Variants in SLX9 observed in about 807,000 individuals in gnomAD.
SLX9 encodes the protein ribosome biogenesis protein SLX9 homolog.
A neutral mutation model predicts 20.8 loss-of-function variants in SLX9; 19 were observed. The ratio of observed to expected loss-of-function variants is 0.91; its 90% CI spans 0.64 to 1.34. The LOEUF is 1.34. SLX9 is among the 40% of genes most tolerant of loss of function. The probability of loss-of-function intolerance (pLI) is 0.00; values close to 1 mark genes in which losing one functional copy is unlikely to be tolerated. For synonymous variants in SLX9, 113 were observed against 137.1 expected, an observed-to-expected ratio of 0.82 and a Z score of 1.23; for missense variants, 299 against 322.2, an observed-to-expected ratio of 0.93 and a Z score of 0.55.
In SLX9 at chr21:44,972,698, T is replaced by A. The variant is rs530500800; in HGVS notation, c.501-499T>A. The stretch of plus-strand genomic sequence containing the variant: ...TCTAAAGAGAGGACCTGGGGACATG[T>A]AGGCTTGGGTGGGTGACTCAGCCTT... On this transcript the variant is annotated intron_variant, in intron 4 of 5. Coordinates refer to ENST00000291634, the MANE Select transcript of SLX9 (RefSeq NM_058190.4). 7.2e-5 allele frequency among the ~76,000 whole-genome samples: 11 copies of A among 152,334 alleles called. No individual in the cohort carries two copies. In the South Asian group the frequency reaches 2.1e-3, roughly 29 times the overall value.
At chr21:44,967,750 C>T (rs929170838) in intron 4 of SLX9, among the ~76,000 whole-genome samples, 2 of 152,146 alleles carry the variant, frequency 1.3e-5, no homozygotes, top group Non-Finnish European at 2.9e-5. Context: ...CGTGTGGGAC[C>T]CACTCATGCA....
chr21:44,943,519 T>C (rs2294169), intron 1 of SLX9, among the ~76,000 whole-genome samples, 165 bp from the exon 2 acceptor site: 68,005 of 151,992 alleles, frequency 0.45, 17,061 homozygotes, highest in African/African-American at 0.68. Context: ...ACCGGAGGCT[T>C]CTGCTCTGGG....
At chr21:44,944,841 G>A (rs1435203113) in intron 2 of SLX9, among the ~76,000 whole-genome samples, 1 of 152,250 alleles carries the variant, frequency 6.6e-6, no homozygotes, top group East Asian at 1.9e-4. Context: ...GCCTCTGGCT[G>A]GACACTTGAT....
chr21:44,958,224 G>T, intron 2 of SLX9: 1 of 152,578 alleles, frequency 6.6e-6, no homozygotes. Context: ...ATAGCCACTG[G>T]GGCTGTAGTG....
chr21:44,965,750 C>T (rs777672122), intron 3 of SLX9, among the ~76,000 whole-genome samples: 4 of 152,238 alleles, frequency 2.6e-5, no homozygotes, highest in Non-Finnish European at 4.4e-5. Context: ...TGCTGAGGTG[C>T]GGGCCTTTGT....
rs373075187 is a variant in SLX9, at chr21:44,972,215, G to A, written c.501-982G>A. 4.6e-5 allele frequency among the ~76,000 whole-genome samples: 7 copies of A among 152,288 alleles called. No individual in the cohort carries two copies. The South Asian group carries it at 6.2e-4, about 14-fold the overall frequency. On this transcript the variant is annotated intron_variant, in intron 4 of 5. Transcript: ENST00000291634. The stretch of plus-strand genomic sequence containing the variant: ...GTGTGGACGGCAGATCTGAGAAGGC[G>A]CCTGGTGTGGCCTTGCGGGTTCTCT...
At chr21:44,969,426 G>T (rs1048510026) in intron 4 of SLX9, among the ~76,000 whole-genome samples, 2 of 152,222 alleles carry the variant, frequency 1.3e-5, no homozygotes, top group Non-Finnish European at 2.9e-5. Flanking sequence ...CAGCCCCCAG[G>T]CCGAGGAGGA....
At chr21:44,949,574 C>T (rs1351877165) in intron 2 of SLX9, among the ~76,000 whole-genome samples, 1 of 152,202 alleles carries the variant, frequency 6.6e-6, no homozygotes, top group Non-Finnish European at 1.5e-5. Context: ...CAGAGGCCTA[C>T]TCTTAGACGC....
In SLX9 at chr21:44,940,150, G is replaced by A. The variant is rs2084511908; in HGVS notation, c.93G>A (p.Pro31=). Residue 31 remains proline, a synonymous_variant, in exon 1 of 6, where the codon CCG becomes CCA. Coordinates refer to ENST00000291634, the MANE Select transcript of SLX9 (RefSeq NM_058190.4). ...CCCCCGGCCCCGCGCCCCCTGCCCC[G>A]GAGGCGACCCCTCCGCCGGCCTCGG... is the stretch of plus-strand genomic sequence containing the variant. ...EAAPGPAPPA[P]EATPPPASAA... The A allele has an allele frequency of 2.3e-6, 3 of 1,305,596 alleles. No homozygotes were observed. Among genetic ancestry groups the A allele is most frequent in the Admixed American group, 4.0e-5 (1 of 24,874 alleles). The allele number at this position is 1,305,596 out of a possible 1,614,324, so 80.9% of individuals were successfully genotyped here.
At chr21:44,940,326 C>T in intron 1 of SLX9, 140 bp downstream of exon 1, 1 of 1,149,078 alleles carries the variant, frequency 8.7e-7, no homozygotes, top group South Asian at 4.4e-5. Flanking sequence ...CAGACGCGAC[C>T]TTCTTGCTTC....
At chr21:44,947,105 T>G (rs2084657031) in intron 2 of SLX9, among the ~76,000 whole-genome samples, 1 of 152,210 alleles carries the variant, frequency 6.6e-6, no homozygotes, top group African/African-American at 2.4e-5. Context: ...CAGGAACAGT[T>G]CTGTTTTTTT....
intron 4 of SLX9, 32 bp downstream of exon 4, chr21:44,967,213 G>A (rs1461724655): frequency 2.0e-6 from 3 of 1,537,514 alleles, no homozygotes; most frequent in Admixed American, 2.1e-5. Flanking sequence ...CCCTTTCCGA[G>A]CTGTGGGGCT....
intron 4 of SLX9, among the ~76,000 whole-genome samples, chr21:44,972,198 G>A (rs561782975): frequency 1.3e-5 from 2 of 152,302 alleles, no homozygotes; most frequent in South Asian, 2.1e-4. Flanking sequence ...CTGTGTGGAC[G>A]GCAGATCTGA....
chr21:44,955,309 C>T (rs953861894), intron 2 of SLX9, among the ~76,000 whole-genome samples: 2 of 152,234 alleles, frequency 1.3e-5, no homozygotes, highest in African/African-American at 2.4e-5. Context: ...CGCTTCTCCC[C>T]GCTGCCGCGG....
chr21:44,956,736 C>T (rs1448369721), intron 2 of SLX9, among the ~76,000 whole-genome samples: 5 of 152,244 alleles, frequency 3.3e-5, no homozygotes, highest in Admixed American at 2.0e-4. Flanking sequence ...ACACGTGCCC[C>T]GTGAACCGTG....
At chr21:44,961,159 C>T (rs2084943671) in intron 3 of SLX9, among the ~76,000 whole-genome samples, 2 of 152,176 alleles carry the variant, frequency 1.3e-5, no homozygotes, top group African/African-American at 4.8e-5. Context: ...GGCTACTGGA[C>T]TGTGGCCATT....
chr21:44,968,104 C>T lies in SLX9; in HGVS notation c.500+923C>T, dbSNP rs1301156294. ...GACCCCAGTGGGGCCCCTCCACCCC[C>T]CTGCCCTGGGCAAGGCCTGGTCCCG... On this transcript the variant is annotated intron_variant, in intron 4 of 5. Transcript: ENST00000291634. Among the ~76,000 whole-genome samples, 6 of 152,254 alleles carry T rather than the reference C, an allele frequency of 3.9e-5. No individual in the cohort carries two copies. In the South Asian group the frequency reaches 1.2e-3, roughly 32 times the overall value.
At chr21:44,955,435 G>C (rs1335110753) in intron 2 of SLX9, among the ~76,000 whole-genome samples, 2 of 152,196 alleles carry the variant, frequency 1.3e-5, no homozygotes, top group African/African-American at 4.8e-5. Context: ...GTGCAAAGTG[G>C]CACATGATAG....
At chr21:44,956,295 T>C (rs1029995837) in intron 2 of SLX9, among the ~76,000 whole-genome samples, 17 of 152,224 alleles carry the variant, frequency 1.1e-4, no homozygotes, top group African/African-American at 4.1e-4. Context: ...TTGTGGCCCC[T>C]TTGTGTCCTC....
Sources: allele counts gnomAD v4.1 joint callset (sites outside exome capture counted in the v4.1 genomes callset), GRCh38; gene constraint gnomAD v4.1.1; transcripts MANE v1.5; gene names NCBI Gene and HGNC (gene_info 2026-07-23, HGNC 2026-07-21).